The following TEAD4 variants were observed in gnomAD, a reference collection of about 807,000 sequenced individuals.
TEAD4 encodes TEA domain transcription factor 4, also known as transcriptional enhancer factor TEF-3.
In TEAD4, 36 loss-of-function variants were observed where a neutral mutation model predicts 52.4. The ratio of observed to expected loss-of-function variants is 0.69; its 90% CI spans 0.53 to 0.91. The LOEUF (loss-of-function observed/expected upper bound fraction) is 0.91. TEAD4 is among the 40% of genes least tolerant of loss of function. The pLI, the probability that TEAD4 is intolerant of heterozygous loss-of-function variation, is 0.00. For synonymous variants in TEAD4, 220 were observed against 231.0 expected (o/e 0.95, Z 0.43); for missense variants, 508 against 583.9 (o/e 0.87, Z 1.34).
intron 2 of TEAD4, among the ~76,000 whole-genome samples, chr12:2,974,282 C>T (rs549102482): frequency 9.9e-5 from 15 of 152,192 alleles, no homozygotes; most frequent in Non-Finnish European, 1.5e-4. Context: ...GGATTACAGG[C>T]GTAAGCCACC....
chr12:2,979,671 G>A (rs1271544938), intron 2 of TEAD4, among the ~76,000 whole-genome samples: 3 of 152,180 alleles, frequency 2.0e-5, no homozygotes, highest in African/African-American at 7.2e-5. Context: ...TGATTAATGA[G>A]GATTGACTGT....
intron 2 of TEAD4, among the ~76,000 whole-genome samples, chr12:2,990,414 T>TA (rs2098242040): frequency 6.6e-6 from 1 of 151,020 alleles, no homozygotes; most frequent in Non-Finnish European, 1.5e-5. Flanking sequence ...AATTCTTTTT[T>TA]TTAAGAATTA....
rs149018218 is a variant in TEAD4, at chr12:3,000,233, C to T, written c.226+5241C>T. On this transcript the variant is annotated intron_variant, in intron 3 of 12. Transcript: ENST00000359864. ...ATCTTGGGAGTTTTCCTGAAGGAAG[C>T]AGAGCTGAGGGTGAGTGCTTGTCTT... 4.5e-3 allele frequency among the ~76,000 whole-genome samples: 679 copies of T among 152,290 alleles called. 2 individuals are homozygous for T. Among genetic ancestry groups the T allele is most frequent in the African/African-American group, 0.016 (655 of 41,556 alleles).
At chr12:3,019,328 T>TTTCCC (rs2098266970) in intron 8 of TEAD4, among the ~76,000 whole-genome samples, 158 bp downstream of exon 8, 1 of 152,170 alleles carries the variant, frequency 6.6e-6, no homozygotes, top group Non-Finnish European at 1.5e-5. Flanking sequence ...ACCCCATTCC[T>TTTCCC]TTCCCCCAGC....
At chr12:2,977,089 A>T (rs146444916) in intron 2 of TEAD4, among the ~76,000 whole-genome samples, 1 of 47,648 alleles carries the variant, frequency 2.1e-5, no homozygotes, top group South Asian at 7.2e-4. Context: ...CTCTGTGCTC[A>T]TGGACATGAT....
intron 5 of TEAD4, among the ~76,000 whole-genome samples, chr12:3,016,874 C>T (rs933420): frequency 0.66 from 100,061 of 152,060 alleles, 37,710 homozygotes; most frequent in East Asian, 0.87. Context: ...GGTATTTACA[C>T]TCTGACACAT....
At position 2,963,380 on chromosome 12, in the gene TEAD4, A is replaced by G. The variant is rs866962775; in HGVS notation, c.-30+3340A>G. Among the ~76,000 whole-genome samples the G allele has an allele frequency of 3.9e-5, 6 of 152,146 alleles. No individual in the cohort carries two copies. The South Asian group carries it at 8.3e-4, about 21-fold the overall frequency. On this transcript the variant is annotated intron_variant, in intron 2 of 12. Coordinates refer to ENST00000359864, the MANE Select transcript of TEAD4 (RefSeq NM_003213.4). ...GAGGTCAGTCCAGTGGCAGTTGGAA[A>G]TTCAGGGCTTGTGAGGGTGGCTTTA...
intron 10 of TEAD4, among the ~76,000 whole-genome samples, chr12:3,035,240 C>T (rs2098278660): frequency 6.6e-6 from 1 of 152,154 alleles, no homozygotes; most frequent in Admixed American, 6.5e-5. Flanking sequence ...CAGGATGTGT[C>T]GTAGATGGCA....
intron 3 of TEAD4, among the ~76,000 whole-genome samples, chr12:3,002,739 AC>A (rs1257013320): frequency 6.6e-6 from 1 of 152,200 alleles, no homozygotes; most frequent in South Asian, 2.1e-4. Flanking sequence ...CAAGGAACTC[AC>A]AGTGTGGCGG....
At chr12:3,037,270 G>C (rs7961302) in intron 10 of TEAD4, among the ~76,000 whole-genome samples, 47,650 of 152,070 alleles carry the variant, frequency 0.31, 8,900 homozygotes, top group African/African-American at 0.52. Context: ...CTTCTGAAGA[G>C]ATTCCCGGGG....
chr12:2,965,801 C>A (rs888484905), intron 2 of TEAD4, among the ~76,000 whole-genome samples: 9 of 152,184 alleles, frequency 5.9e-5, no homozygotes, highest in Admixed American at 5.9e-4. Context: ...ATCTCGGCCT[C>A]CCAAAGTGCT....
At chr12:3,016,607 A>T (rs1349191541) in intron 5 of TEAD4, among the ~76,000 whole-genome samples, 8 of 151,562 alleles carry the variant, frequency 5.3e-5, no homozygotes, top group African/African-American at 1.9e-4. Flanking sequence ...GTCTCTGGAA[A>T]AAAAAAAAAA....
At chr12:3,022,353 C>G (rs2098269311) in intron 10 of TEAD4, among the ~76,000 whole-genome samples, 1 of 152,208 alleles carries the variant, frequency 6.6e-6, no homozygotes, top group Admixed American at 6.5e-5. Context: ...GAAGACATGA[C>G]TAGGAGCGCC....
chr12:3,038,465 C>T (rs28623776), intron 11 of TEAD4, among the ~76,000 whole-genome samples: 46,172 of 152,168 alleles, frequency 0.3, 8,156 homozygotes, highest in African/African-American at 0.49. Flanking sequence ...TCCCACCAAT[C>T]GCCCGCACAT....
chr12:2,988,535 G>A (rs1338118712), intron 2 of TEAD4, among the ~76,000 whole-genome samples: 1 of 151,364 alleles, frequency 6.6e-6, no homozygotes, highest in African/African-American at 2.4e-5. Context: ...AAGATATATT[G>A]GGACTTCATT....
At chr12:2,976,837 T>A (rs769573366) in intron 2 of TEAD4, among the ~76,000 whole-genome samples, 1 of 152,166 alleles carries the variant, frequency 6.6e-6, no homozygotes, top group Non-Finnish European at 1.5e-5. Context: ...GGGCCTGGGC[T>A]GGGGCCTGCA....
At chr12:2,988,358 C>G (rs1195058537) in intron 2 of TEAD4, among the ~76,000 whole-genome samples, 1 of 151,404 alleles carries the variant, frequency 6.6e-6, no homozygotes, top group Admixed American at 6.6e-5. Context: ...ACTAAAAATA[C>G]AAATGCAAAA....
rs1358996854 is a variant in TEAD4, at chr12:2,994,020, C to T, written c.-29-718C>T. 1.3e-5 allele frequency among the ~76,000 whole-genome samples: 2 copies of T among 152,164 alleles called. No homozygotes were observed. Among genetic ancestry groups the T allele is most frequent in the African/African-American group, 2.4e-5 (1 of 41,440 alleles). On this transcript the variant is annotated intron_variant, in intron 2 of 12. Coordinates refer to ENST00000359864, the MANE Select transcript of TEAD4 (RefSeq NM_003213.4). This position sits in a 1 kb window ranked among gnomAD's most constrained non-coding sequence, Gnocchi z 4.7. The stretch of plus-strand genomic sequence containing the variant: ...TTTTGACTCTTGTGAATAATGCTGC[C>T]GCGAGCATGAGTGTACATATATATC...
chr12:2,991,192 C>G (rs148329069), intron 2 of TEAD4, among the ~76,000 whole-genome samples: 2 of 152,078 alleles, frequency 1.3e-5, no homozygotes, highest in Non-Finnish European at 2.9e-5. Flanking sequence ...GAGCAAGACA[C>G]TGTCTCTAAA....
Sources: allele counts gnomAD v4.1 joint callset (sites outside exome capture counted in the v4.1 genomes callset), GRCh38; gene constraint gnomAD v4.1.1; non-coding constraint Gnocchi (gnomAD v3.1); transcripts MANE v1.5; gene names NCBI Gene and HGNC (gene_info 2026-07-23, HGNC 2026-07-21).